QPCT: variants seen among roughly 807,000 people sequenced by gnomAD.
QPCT encodes glutaminyl-peptide cyclotransferase, also known as EC.
QPCT carries 44 observed loss-of-function variants against 43.4 expected under a neutral mutation model. The ratio of observed to expected loss-of-function variants is 1.01; its 90% CI spans 0.80 to 1.30. The LOEUF is 1.30. QPCT is among the 50% of genes most tolerant of loss of function. The pLI, the probability that QPCT is intolerant of heterozygous loss-of-function variation, is 0.00. For synonymous variants in QPCT, 168 were observed against 168.4 expected (o/e 1.00, Z 0.02); for missense variants, 526 against 436.5 (o/e 1.21, Z -1.83).
chr2:37,362,018 G>A (rs2124939001), intron 3 of QPCT, among the ~76,000 whole-genome samples: 1 of 152,308 alleles, frequency 6.6e-6, no homozygotes, highest in South Asian at 2.1e-4. Flanking sequence ...GTTGCCTCAT[G>A]GGACTCAGGA....
intron 2 of QPCT, among the ~76,000 whole-genome samples, chr2:37,353,221 T>C (rs189696179): frequency 2.6e-4 from 39 of 152,336 alleles, no homozygotes; most frequent in Non-Finnish European, 4.4e-4. Flanking sequence ...GGCTCCCAAT[T>C]AAGTTTTCTT....
chr2:37,371,896 A>T (rs1673080647), intron 5 of QPCT, among the ~76,000 whole-genome samples: 1 of 152,126 alleles, frequency 6.6e-6, no homozygotes. Context: ...CACACTAGGT[A>T]TCTCTTTCCC....
chr2:37,345,496 T>C (rs1408582000), intron 1 of QPCT, among the ~76,000 whole-genome samples: 1 of 152,164 alleles, frequency 6.6e-6, no homozygotes, highest in Admixed American at 6.5e-5. Context: ...AAATCGCATA[T>C]AAGGAACTTA....
At chr2:37,357,283 T>C (rs78332985) in intron 2 of QPCT, among the ~76,000 whole-genome samples, 1 of 114,822 alleles carries the variant, frequency 8.7e-6, no homozygotes, top group Non-Finnish European at 1.6e-5. Context: ...GAGTATATGC[T>C]TTTTTTTTTT....
chr2:37,351,089 T>C (rs1672612064), intron 1 of QPCT, among the ~76,000 whole-genome samples: 1 of 152,186 alleles, frequency 6.6e-6, no homozygotes. Context: ...TGTAAATAAT[T>C]AGGCAATAAG....
chr2:37,365,077 GCACACA>G (rs56740546), intron 3 of QPCT, among the ~76,000 whole-genome samples: 10 of 146,038 alleles, frequency 6.8e-5, no homozygotes, highest in African/African-American at 2.5e-4. Flanking sequence ...ACACAACACA[GCACACA>G]CACACACACA....
At chr2:37,354,954 CTTTAG>C (rs2124934457) in intron 2 of QPCT, among the ~76,000 whole-genome samples, 1 of 152,226 alleles carries the variant, frequency 6.6e-6, no homozygotes, top group African/African-American at 2.4e-5. Context: ...GCTAGTTGAT[CTTTAG>C]CTTCAACAGA....
chr2:37,354,177 C>G (rs1672691730), intron 2 of QPCT, among the ~76,000 whole-genome samples: 1 of 152,184 alleles, frequency 6.6e-6, no homozygotes, highest in South Asian at 2.1e-4. Context: ...CTCTTCCTTT[C>G]TGCCCAGTGT....
chr2:37,353,062 T>G (rs1326478472), intron 2 of QPCT, 127 bp downstream of exon 2: 2 of 1,141,308 alleles, frequency 1.8e-6, no homozygotes, highest in South Asian at 3.5e-5. Context: ...CACCAAATAG[T>G]CAACCAAGAA....
At chr2:37,347,233 T>TATATATATATATAACATATATATATAAC in intron 1 of QPCT, among the ~76,000 whole-genome samples, 1 of 85,052 alleles carries the variant, frequency 1.2e-5, no homozygotes, top group South Asian at 3.6e-4. Flanking sequence ...ATATATAACA[T>TATATATATATATAACATATATATATAAC]ATATATATAT....
At chr2:37,345,000 A>T (rs1356516285) in intron 1 of QPCT, 149 bp downstream of exon 1, 1 of 1,211,058 alleles carries the variant, frequency 8.3e-7, no homozygotes, top group Non-Finnish European at 1.1e-6. Context: ...CGGCGCCCGG[A>T]GGAGTCGGGG....
At position 37,368,320 on chromosome 2, in the gene QPCT, C is replaced by T. The variant is rs532407813; in HGVS notation, c.723+912C>T. ...CACACTCCATCCCTAATCCCTCCCC[C>T]GACCCCTGCATCTTCTCCTGACTCT... On this transcript the variant is annotated intron_variant, in intron 4 of 6. Coordinates refer to ENST00000338415, the MANE Select transcript of QPCT (RefSeq NM_012413.4). 7.3e-5 allele frequency: 11 copies of T among 150,734 alleles called. 1 individual carries two copies. The highest frequency in any genetic ancestry group is 2.0e-4 in the East Asian group (1 of 4,972). The allele number at this position is 150,734 out of a possible 1,614,324, so 9.3% of individuals were successfully genotyped here.
intron 2 of QPCT, among the ~76,000 whole-genome samples, chr2:37,358,132 C>G (rs1205321748): frequency 6.8e-6 from 1 of 147,524 alleles, no homozygotes; most frequent in Non-Finnish European, 1.5e-5. Flanking sequence ...AAAGAAACAG[C>G]CTGGGCATGG....
At chr2:37,363,851 C>A (rs114644669) in intron 3 of QPCT, among the ~76,000 whole-genome samples, 1 of 151,798 alleles carries the variant, frequency 6.6e-6, no homozygotes, top group Non-Finnish European at 1.5e-5. Flanking sequence ...TAAGGAGGAG[C>A]TTTTGGAAAT....
intron 3 of QPCT, among the ~76,000 whole-genome samples, chr2:37,360,934 T>A (rs1672847624): frequency 6.6e-6 from 1 of 152,246 alleles, no homozygotes; most frequent in Non-Finnish European, 1.5e-5. Flanking sequence ...AAATGAAGTA[T>A]GACTTGAAGA....
At chr2:37,368,103 G>A (rs974407966) in intron 4 of QPCT, among the ~76,000 whole-genome samples, 13 of 152,106 alleles carry the variant, frequency 8.5e-5, no homozygotes, top group African/African-American at 3.1e-4. Flanking sequence ...AGGGGTGAGG[G>A]TGAAGAATTT....
intron 3 of QPCT, among the ~76,000 whole-genome samples, chr2:37,365,054 T>A (rs962225443): frequency 2.1e-4 from 31 of 149,270 alleles, no homozygotes; most frequent in Non-Finnish European, 8.9e-5. Context: ...ATTTTATATA[T>A]ATAACAATAC....
chr2:37,370,186 A>C (rs1453849669), intron 5 of QPCT, among the ~76,000 whole-genome samples: 1 of 152,174 alleles, frequency 6.6e-6, no homozygotes, highest in East Asian at 1.9e-4. Context: ...CGCCATCTCA[A>C]AAAAGAAAAA....
At chr2:37,362,424 T>C (rs1336726086) in intron 3 of QPCT, among the ~76,000 whole-genome samples, 1 of 152,170 alleles carries the variant, frequency 6.6e-6, no homozygotes, top group East Asian at 1.9e-4. Flanking sequence ...CACAAACACA[T>C]CCTCTGCTTA....
Sources: gnomAD v4.1 joint callset for allele counts (sites outside exome capture counted in the v4.1 genomes callset) on GRCh38, gnomAD v4.1.1 for gene constraint, MANE v1.5 for transcripts, NCBI Gene and HGNC (gene_info 2026-07-23, HGNC 2026-07-21) for gene names.